Variants in WDR82 observed in about 807,000 individuals in gnomAD.
WDR82 encodes the protein WD repeat-containing protein 82.
A neutral mutation model predicts 36.1 loss-of-function variants in WDR82; 8 were observed. That is an observed-to-expected ratio of 0.22 (90% CI 0.13 to 0.40). WDR82 has a LOEUF of 0.40. Among genes scored for constraint, WDR82 ranks in the 10% least tolerant of loss-of-function variants. The pLI is 1.00. For missense variants in WDR82, 185 were observed against 400.5 expected, an observed-to-expected ratio of 0.46 and a Z score of 4.59; for synonymous variants, 129 against 137.8, an observed-to-expected ratio of 0.94 and a Z score of 0.45.
chr3:52,268,416 G>A, intron 2 of WDR82: 1 of 461,362 alleles, frequency 2.2e-6, no homozygotes. Flanking sequence ...ATGCACTTGA[G>A]ACAGGAAAGG....
intron 1 of WDR82, 55 bp from the exon 2 acceptor site, chr3:52,270,864 G>C: frequency 7.3e-7 from 1 of 1,366,572 alleles, no homozygotes; most frequent in South Asian, 1.3e-5. Flanking sequence ...TCAAAATCTG[G>C]GATCTCCACA....
chr3:52,259,629 C>T (rs1700042969), intron 6 of WDR82, 88 bp downstream of exon 6: 3 of 1,441,072 alleles, frequency 2.1e-6, no homozygotes, highest in South Asian at 2.7e-5. Context: ...TCAAGAGTAA[C>T]TGTTGGTCTC....
chr3:52,257,533 A>G lies in WDR82; in HGVS notation c.913-14T>C. 2 of 1,614,140 alleles carry G rather than the reference A, an allele frequency of 1.2e-6. No homozygotes were observed. Among genetic ancestry groups the G allele is most frequent in the Non-Finnish European group, 8.5e-7 (1 of 1,180,034 alleles). Reference sequence around the variant, plus strand: ...CAACCAAAAGGCCTAGAAGGAGAACATAAATCAACTTTAAAAAGCCAAGCA... The same window carrying G: ...CAACCAAAAGGCCTAGAAGGAGAACGTAAATCAACTTTAAAAAGCCAAGCA... On this transcript the variant is annotated splice_polypyrimidine_tract_variant and intron_variant, in intron 8 of 8. Transcript: ENST00000296490.
chr3:52,278,042 AG>A (rs1291846332), intron 1 of WDR82, 158 bp downstream of exon 1: 2 of 530,032 alleles, frequency 3.8e-6, no homozygotes, highest in Non-Finnish European at 6.0e-6. Context: ...AAAAAATAAA[AG>A]GTCTCCTGGA....
At chr3:52,272,495 G>A (rs1700163046) in intron 1 of WDR82, among the ~76,000 whole-genome samples, 1 of 146,572 alleles carries the variant, frequency 6.8e-6, no homozygotes, top group African/African-American at 2.6e-5. Context: ...AGTGAGCTGA[G>A]ATCGCGCCAC....
chr3:52,258,589 A>G lies in WDR82; in HGVS notation c.859T>C (p.Cys287Arg). 3 of 1,614,196 alleles carry G rather than the reference A, an allele frequency of 1.9e-6. 1 individual carries two copies. Among genetic ancestry groups the G allele is most frequent in the Non-Finnish European group, 1.7e-6 (2 of 1,180,002 alleles). ...ATGAACTTGGGGTTGAATTGCAAAC[A>G]GGTAATCGGGCCTGTGTGTTTACCA... ...LDGKHTGPITCLQFNPKFMTF... is the reference protein window; with the variant it reads ...LDGKHTGPITRLQFNPKFMTF... Residue 287 changes from cysteine (C) to arginine (R), a missense_variant, in exon 8 of 9, where the codon TGT becomes CGT. Coordinates refer to ENST00000296490, the MANE Select transcript of WDR82 (RefSeq NM_025222.4).
intron 3 of WDR82, among the ~76,000 whole-genome samples, chr3:52,265,122 A>C (rs2107335243): frequency 6.6e-6 from 1 of 151,844 alleles, no homozygotes; most frequent in South Asian, 2.1e-4. Context: ...AACACGGTAA[A>C]ACCCCATCTC....
Position 52,270,826 on chromosome 3 carries a change from G to C in WDR82, c.162-17C>G. The C allele has an allele frequency of 1.3e-6, 2 of 1,552,048 alleles. No homozygotes were observed. The highest frequency in any genetic ancestry group is 1.4e-5 in the African/African-American group (1 of 72,734). ...CTCTTTGGTCTGATAAGAAAATAGAGACAGAAAATCATGAACATTCTCCAT... is the reference window on the plus strand; with the variant it reads ...CTCTTTGGTCTGATAAGAAAATAGACACAGAAAATCATGAACATTCTCCAT... On this transcript the variant is annotated splice_polypyrimidine_tract_variant and intron_variant, in intron 1 of 8. Coordinates refer to ENST00000296490, the MANE Select transcript of WDR82 (RefSeq NM_025222.4).
intron 1 of WDR82, among the ~76,000 whole-genome samples, chr3:52,272,543 C>CAAAAAAAAAAAAAAAA (rs538212712): frequency 3.0e-5 from 3 of 100,278 alleles, no homozygotes; most frequent in Non-Finnish European, 6.0e-5. Context: ...GACTCCATCT[C>CAAAAAAAAAAAAAAAA]AAAAAAAAAA....
intron 1 of WDR82, among the ~76,000 whole-genome samples, chr3:52,274,658 G>A (rs1171982587): frequency 2.0e-5 from 3 of 152,112 alleles, no homozygotes; most frequent in Non-Finnish European, 4.4e-5. Context: ...ACTCTGGGAG[G>A]CCGAGGAGAC....
Position 52,257,382 on chromosome 3 carries a change from G to GT in WDR82, c.*107dup. 6.8e-7 allele frequency: 1 copy of GT among 1,475,962 alleles called. No individual in the cohort carries two copies. The highest frequency in any genetic ancestry group is 9.5e-7 in the Non-Finnish European group (1 of 1,058,138). 91.4% of individuals were successfully genotyped at this position (1,475,962 alleles called of 1,614,324 possible). ...CCATGGGAAGGCCATGTAAAAGGAT[G>GT]TTCTCCAGCCCAGTCAAATGATCCA... On this transcript the variant is annotated 3_prime_UTR_variant, in exon 9 of 9. Transcript: ENST00000296490.
At chr3:52,267,045 G>C (rs796723721) in intron 2 of WDR82, 27 bp from the exon 3 acceptor site, 2 of 1,531,014 alleles carry the variant, frequency 1.3e-6, no homozygotes, top group Non-Finnish European at 1.8e-6. Context: ...AAGGTATGAT[G>C]ATATCATACT....
At position 52,259,734 on chromosome 3, in the gene WDR82, C is replaced by A; in HGVS notation, c.682G>T (p.Val228Leu). Reference sequence around the variant, plus strand: ...CAGCTCACCCCAAATGTGTGCATCACCACTCCTTTGAATGCATCAATCAGA... The same window carrying A: ...CAGCTCACCCCAAATGTGTGCATCAACACTCCTTTGAATGCATCAATCAGA... Reference protein sequence around the residue: ...IRLIDAFKGVVMHTFGGYANS... With the variant: ...IRLIDAFKGVLMHTFGGYANS... The change falls in exon 6 of 9, where the codon GTG (valine) becomes TTG (leucine). Residue 228 changes from valine to leucine, a missense_variant. Val to Leu is a conservative substitution (Grantham distance 32). Around this residue, in one of 3 missense-constraint regions of WDR82, gnomAD observed 110 missense variants for 212.6 expected, o/e 0.52. Coordinates refer to ENST00000296490, the MANE Select transcript of WDR82 (RefSeq NM_025222.4). The A allele has an allele frequency of 6.2e-7, 1 of 1,613,798 alleles. No homozygotes were observed. The highest frequency in any genetic ancestry group is 2.2e-5 in the East Asian group (1 of 44,882).
At position 52,254,448 on chromosome 3, in the gene WDR82, G is replaced by C. The variant is rs1234651460; in HGVS notation, c.*3042C>G. 2.0e-5 allele frequency: 3 copies of C among 152,576 alleles called. No homozygotes were observed. In the East Asian group the frequency reaches 5.8e-4, roughly 29 times the overall value. 9.5% of individuals were successfully genotyped at this position (152,576 alleles called of 1,614,324 possible). A position where few individuals can be genotyped will look rare whatever the true frequency, so the allele number is the denominator to read the frequency against. ...CAGCCATAAAATTCTGTTTAAGACT[G>C]TAACATGGAAAAAATGTTTATACGT... On this transcript the variant is annotated 3_prime_UTR_variant, in exon 9 of 9. Coordinates refer to ENST00000296490, the MANE Select transcript of WDR82 (RefSeq NM_025222.4).
At chr3:52,272,269 C>A (rs1272372122) in intron 1 of WDR82, among the ~76,000 whole-genome samples, 1 of 151,482 alleles carries the variant, frequency 6.6e-6, no homozygotes, top group African/African-American at 2.4e-5. Context: ...TTAGGCTGGG[C>A]GTGGTGGCTC....
At chr3:52,272,067 G>C (rs1000720068) in intron 1 of WDR82, among the ~76,000 whole-genome samples, 5 of 152,154 alleles carry the variant, frequency 3.3e-5, no homozygotes, top group Non-Finnish European at 7.4e-5. Context: ...TACAGCCTCT[G>C]CGACAGAGTG....
intron 3 of WDR82, among the ~76,000 whole-genome samples, chr3:52,264,833 C>T (rs1370219707): frequency 6.6e-6 from 1 of 152,060 alleles, no homozygotes; most frequent in Admixed American, 6.6e-5. Flanking sequence ...CTTTGTCACC[C>T]AGGCTGGAGT....
chr3:52,267,219 T>G (rs1291426148), intron 2 of WDR82: 4 of 405,940 alleles, frequency 9.9e-6, no homozygotes, highest in Non-Finnish European at 1.8e-5. Context: ...AGCAGAGTTC[T>G]TAAGTTGACA....
chr3:52,256,506 A>T lies in WDR82; in HGVS notation c.*984T>A, dbSNP rs1700010856. ...GGCCTAGAACCAGCTCTTGGTTGGG[A>T]GCTGGGGAAAGGGGTGGTATCATCT... On this transcript the variant is annotated 3_prime_UTR_variant, in exon 9 of 9. Transcript: ENST00000296490. 1 of 153,770 alleles carries T rather than the reference A, an allele frequency of 6.5e-6. No homozygotes were observed. Among genetic ancestry groups the T allele is most frequent in the South Asian group, 2.1e-4 (1 of 4,834 alleles). The allele number at this position is 153,770 out of a possible 1,614,324, so 9.5% of individuals were successfully genotyped here.
Sources: gnomAD v4.1 joint callset for allele counts (sites outside exome capture counted in the v4.1 genomes callset) on GRCh38, gnomAD v4.1.1 for gene constraint, gnomAD v4.1.1 regional missense constraint, MANE v1.5 for transcripts, NCBI Gene and HGNC (gene_info 2026-07-23, HGNC 2026-07-21) for gene names.